MAP3K1: variants seen among roughly 807,000 people sequenced by gnomAD.
The protein encoded by MAP3K1 is MAP/ERK kinase kinase 1.
In MAP3K1, 36 loss-of-function variants were observed where a neutral mutation model predicts 144.2. That is an observed-to-expected ratio of 0.25 (90% confidence interval 0.19 to 0.33). The LOEUF (loss-of-function observed/expected upper bound fraction) is 0.33, where lower values mean the gene tolerates loss of function less well. Ranked by LOEUF, MAP3K1 falls within the 10% of genes least tolerant of loss-of-function variation. The pLI, the probability that MAP3K1 is intolerant of heterozygous loss-of-function variation, is 1.00. For missense variants in MAP3K1, 1,650 were observed against 1,881.9 expected (o/e 0.88, Z 2.28); for synonymous variants, 718 against 688.7 (o/e 1.04, Z -0.67).
intron 1 of MAP3K1, among the ~76,000 whole-genome samples, chr5:56,843,582 C>G (rs1460397850): frequency 2.6e-5 from 4 of 152,114 alleles, no homozygotes; most frequent in African/African-American, 4.8e-5. Context: ...CACCCCAGAC[C>G]TAAGAGCTTG....
rs867803275 is a variant in MAP3K1, at chr5:56,890,287, C to A, written c.4389+1930C>A. Among the ~76,000 whole-genome samples the A allele has an allele frequency of 9.5e-4, 145 of 152,132 alleles. 2 individuals are homozygous for A. Among genetic ancestry groups the A allele is most frequent in the African/African-American group, 3.2e-3 (134 of 41,424 alleles). On this transcript the variant is annotated intron_variant, in intron 19 of 19. Coordinates refer to ENST00000399503, the MANE Select transcript of MAP3K1 (RefSeq NM_005921.2). ...AAGAGTTTTGATGAGACCCTGGAAA[C>A]AATTGTAAATAATTTTCAAATTGGC...
rs563505088 is a variant in MAP3K1, at chr5:56,846,265, C to T, written c.483-10335C>T. Among the ~76,000 whole-genome samples, 15 of 152,260 alleles carry T rather than the reference C, an allele frequency of 9.9e-5. No homozygotes were observed. In the South Asian group the frequency reaches 3.1e-3, roughly 32 times the overall value. On this transcript the variant is annotated intron_variant, in intron 1 of 19. Transcript: ENST00000399503. The stretch of plus-strand genomic sequence containing the variant: ...TAAATATTACCCACATATTATAGTT[C>T]ATAATTTGTGATATGTCAGCAGATT...
chr5:56,844,802 C>T (rs371291093), intron 1 of MAP3K1, among the ~76,000 whole-genome samples: 3 of 152,148 alleles, frequency 2.0e-5, no homozygotes, highest in Non-Finnish European at 2.9e-5. Flanking sequence ...CAGTGCTTAT[C>T]TGTGGTAGGT....
At chr5:56,878,892 T>C (rs1045576914) in intron 10 of MAP3K1, 88 bp from the exon 11 acceptor site, 12 of 1,178,818 alleles carry the variant, frequency 1.0e-5, no homozygotes, top group African/African-American at 3.0e-5. Flanking sequence ...TGTCTACTTA[T>C]TTTGTTGCTC....
chr5:56,890,237 C>G (rs186806600), intron 19 of MAP3K1, among the ~76,000 whole-genome samples: 1 of 152,124 alleles, frequency 6.6e-6, no homozygotes, highest in Non-Finnish European at 1.5e-5. Flanking sequence ...TGGCTAGGAT[C>G]AATTTGAAAG....
intron 1 of MAP3K1, among the ~76,000 whole-genome samples, chr5:56,833,719 TTCTTTTAATTAATG>T (rs1326751325): frequency 6.6e-6 from 1 of 152,238 alleles, no homozygotes; most frequent in Admixed American, 6.5e-5. Context: ...CACTTCAGCA[TTCTTTTAATTAATG>T]TGTTTTAATT....
chr5:56,866,000 A>C, intron 6 of MAP3K1, 23 bp downstream of exon 6: 2 of 1,560,204 alleles, frequency 1.3e-6, no homozygotes, highest in Non-Finnish European at 1.8e-6. Context: ...TAAGGATTTC[A>C]AACATTAATC....
chr5:56,815,809 T>G lies in MAP3K1; in HGVS notation c.236T>G (p.Phe79Cys). The G allele has an allele frequency of 4.2e-6, 6 of 1,422,938 alleles. No individual in the cohort carries two copies. Among genetic ancestry groups the G allele is most frequent in the Non-Finnish European group, 4.6e-6 (5 of 1,085,334 alleles). 88.1% of individuals were successfully genotyped at this position (1,422,938 alleles called of 1,614,324 possible). ...GACCAGCTGCCTGAGCAGCCGCTCT[T>G]CCTTGCCGCCTCACCGCCGGCCTCC... ...ELDQLPEQPL[F>C]LAASPPASST... Residue 79 changes from phenylalanine (F) to cysteine (C), a missense_variant, in exon 1 of 20, where the codon TTC (phenylalanine) becomes TGC (cysteine). Around this residue, in one of 6 missense-constraint regions of MAP3K1, gnomAD observed 360 missense variants for 274.7 expected, o/e 1.31. Coordinates refer to ENST00000399503, the MANE Select transcript of MAP3K1 (RefSeq NM_005921.2).
At chr5:56,833,385 T>G (rs977158074) in intron 1 of MAP3K1, among the ~76,000 whole-genome samples, 1 of 152,244 alleles carries the variant, frequency 6.6e-6, no homozygotes, top group Non-Finnish European at 1.5e-5. Context: ...TTAACACTTT[T>G]GGAGTACTTC....
chr5:56,832,301 A>G (rs1308710318), intron 1 of MAP3K1, among the ~76,000 whole-genome samples: 1 of 152,144 alleles, frequency 6.6e-6, no homozygotes, highest in Non-Finnish European at 1.5e-5. Flanking sequence ...TGGCAAGCAA[A>G]GGGGGTTCAG....
chr5:56,871,925 G>A lies in MAP3K1; in HGVS notation c.1317G>A (p.Glu439=), dbSNP rs758909551. The A allele has an allele frequency of 1.4e-5, 23 of 1,613,856 alleles. 1 individual carries two copies. The South Asian group carries it at 2.3e-4, about 16-fold the overall frequency. The part of the protein sequence containing the change: ...SSSENSIKDE[E]EQMCPICLLG... ...TTTTCTATAGCATAAAGGATGAAGA[G>A]GAACAGATGTGTCCTATTTGCTTGT... Residue 439 remains glutamate, a synonymous_variant, in exon 7 of 20, where the codon GAG becomes GAA. Transcript: ENST00000399503.
intron 10 of MAP3K1, 112 bp downstream of exon 10, chr5:56,875,422 C>A: frequency 1.8e-6 from 2 of 1,119,620 alleles, no homozygotes; most frequent in Non-Finnish European, 2.6e-6. Flanking sequence ...TTGGAAAATC[C>A]AAATTTTATT....
chr5:56,882,219 C>A lies in MAP3K1; in HGVS notation c.3019C>A (p.Gln1007Lys). The change falls in exon 14 of 20, where the codon CAG becomes AAG. Residue 1007 changes from glutamine to lysine, a missense_variant. By Grantham distance (53) the Gln-to-Lys change is moderately conservative. This residue lies in a region of MAP3K1 where 841 missense variants were observed against 886.5 expected (regional missense o/e 0.95). Transcript: ENST00000399503. ...AACAGATGTCTCTAAGCATAGACTTCAGGGATTCATTCCCTGCAGAATACC... is the reference window on the plus strand; with the variant it reads ...AACAGATGTCTCTAAGCATAGACTTAAGGGATTCATTCCCTGCAGAATACC... ...TATDVSKHRL[Q>K]GFIPCRIPSA... 1 of 1,614,156 alleles carries A rather than the reference C, an allele frequency of 6.2e-7. No individual in the cohort carries two copies. Among genetic ancestry groups the A allele is most frequent in the Admixed American group, 1.7e-5 (1 of 59,998 alleles).
At chr5:56,861,568 TAAAAAA>T (rs869216404) in intron 3 of MAP3K1, among the ~76,000 whole-genome samples, 5 of 114,184 alleles carry the variant, frequency 4.4e-5, no homozygotes, top group Non-Finnish European at 8.6e-5. Flanking sequence ...GTGAGACTCC[TAAAAAA>T]AAAAAAAAAA....
rs754860312 is a variant in MAP3K1, at chr5:56,864,824, A to T, written c.925A>T (p.Asn309Tyr). The change falls in exon 4 of 20, where the codon AAC (asparagine) becomes TAC (tyrosine). Residue 309 changes from asparagine to tyrosine, a missense_variant. By Grantham distance (143) the Asn-to-Tyr change is moderately radical. This residue lies in a region of MAP3K1 where 148 missense variants were observed against 177.2 expected (regional missense o/e 0.84). Transcript: ENST00000399503. ...CCCTGAGGAAACAAACCGCCGTGTT[A>T]ACAAAGTGATGCGGGCCAGACTGTA... ...YSPEETNRRV[N>Y]KVMRARLYLL... 1 of 1,614,170 alleles carries T rather than the reference A, an allele frequency of 6.2e-7. No individual in the cohort carries two copies. The highest frequency in any genetic ancestry group is 2.2e-5 in the East Asian group (1 of 44,870).
intron 17 of MAP3K1, among the ~76,000 whole-genome samples, chr5:56,886,586 G>T (rs1396112580): frequency 6.6e-6 from 1 of 152,142 alleles, no homozygotes; most frequent in Non-Finnish European, 1.5e-5. Flanking sequence ...TTTATTGCTA[G>T]TTAATGGCAG....
At chr5:56,873,832 C>A (rs1462595011) in intron 9 of MAP3K1, among the ~76,000 whole-genome samples, 4 of 152,068 alleles carry the variant, frequency 2.6e-5, no homozygotes, top group Non-Finnish European at 5.9e-5. Context: ...ATATTAGCAA[C>A]CCATTTATGA....
chr5:56,866,854 A>G (rs1477004604), intron 6 of MAP3K1, among the ~76,000 whole-genome samples: 1 of 152,240 alleles, frequency 6.6e-6, no homozygotes, highest in Non-Finnish European at 1.5e-5. Context: ...AAATAATTTT[A>G]GAATCCTAGA....
At chr5:56,818,435 C>T (rs563035021) in intron 1 of MAP3K1, among the ~76,000 whole-genome samples, 7 of 151,922 alleles carry the variant, frequency 4.6e-5, no homozygotes, top group Non-Finnish European at 7.4e-5. Context: ...TTTGAGAGTT[C>T]TGTGATCTTT....
Sources: gnomAD v4.1 joint callset for allele counts (sites outside exome capture counted in the v4.1 genomes callset) on GRCh38, gnomAD v4.1.1 for gene constraint, gnomAD v4.1.1 regional missense constraint, MANE v1.5 for transcripts, NCBI Gene and HGNC (gene_info 2026-07-23, HGNC 2026-07-21) for gene names.